CDH13: variants seen among roughly 807,000 people sequenced by gnomAD.
CDH13 encodes the protein cadherin 13, also known as cadherin-13.
CDH13 carries 24 observed loss-of-function variants against 63.8 expected under a neutral mutation model. The observed-to-expected ratio is 0.38, with a 90% CI of 0.27 to 0.53. CDH13 has a LOEUF of 0.53. Among genes scored for constraint, CDH13 ranks in the 20% least tolerant of loss-of-function variants. CDH13 has a pLI of 0.85. For missense variants in CDH13, 1,049 were observed against 903.1 expected (o/e 1.16, Z -2.07); for synonymous variants, 503 against 355.3 (o/e 1.42, Z -4.67).
intron 1 of CDH13, among the ~76,000 whole-genome samples, chr16:82,713,739 C>T (rs2032135983): frequency 6.8e-6 from 1 of 148,116 alleles, no homozygotes; most frequent in Non-Finnish European, 1.5e-5. Context: ...CATGTTTCAC[C>T]TAGGTCTCTG....
intron 6 of CDH13, among the ~76,000 whole-genome samples, chr16:83,453,141 G>C (rs2072927891): frequency 6.6e-6 from 1 of 152,180 alleles, no homozygotes; most frequent in Non-Finnish European, 1.5e-5. Flanking sequence ...AACATTGTGT[G>C]TTCTCATCTG....
intron 6 of CDH13, among the ~76,000 whole-genome samples, chr16:83,434,174 TA>T: frequency 6.6e-6 from 1 of 152,252 alleles, no homozygotes; most frequent in East Asian, 1.9e-4. Context: ...CCGCTCAGGT[TA>T]TTGAGAATTG....
intron 1 of CDH13, among the ~76,000 whole-genome samples, chr16:82,667,170 C>T (rs972751057): frequency 1.3e-5 from 2 of 152,290 alleles, no homozygotes; most frequent in African/African-American, 4.8e-5. Context: ...AGGAATGCAG[C>T]AGTAGGGTAT....
intron 1 of CDH13, among the ~76,000 whole-genome samples, chr16:82,672,270 G>A (rs1284933231): frequency 6.6e-6 from 1 of 152,148 alleles, no homozygotes; most frequent in Non-Finnish European, 1.5e-5. Context: ...TATAATGTAT[G>A]CACACCATTG....
At chr16:82,627,643 CG>C (rs1210951730) in intron 1 of CDH13, among the ~76,000 whole-genome samples, 2 of 152,052 alleles carry the variant, frequency 1.3e-5, no homozygotes, top group Non-Finnish European at 2.9e-5. Context: ...CCAGGGCGCC[CG>C]GGCCCCCTGG....
chr16:82,922,268 A>G (rs1271277185), intron 2 of CDH13, among the ~76,000 whole-genome samples: 1 of 152,198 alleles, frequency 6.6e-6, no homozygotes, highest in Admixed American at 6.6e-5. Context: ...TGTACTTCAA[A>G]GAAGCCATTG....
rs149854216 is a variant in CDH13, at chr16:83,099,910, G to A, written c.367-25475G>A. 4.1e-3 allele frequency among the ~76,000 whole-genome samples: 621 copies of A among 152,222 alleles called. 4 individuals are homozygous for A. The highest frequency in any genetic ancestry group is 6.7e-3 in the Non-Finnish European group (458 of 68,012). On this transcript the variant is annotated intron_variant, in intron 3 of 13. Coordinates refer to ENST00000567109, the MANE Select transcript of CDH13 (RefSeq NM_001257.5). ...CTGTTTTATGCTTTCTTCTGCCTGC[G>A]AGTTCCCACTTGGTTCATTCAAAGC... is the stretch of plus-strand genomic sequence containing the variant.
intron 7 of CDH13, among the ~76,000 whole-genome samples, chr16:83,545,833 C>A (rs2075377343): frequency 6.6e-6 from 1 of 152,180 alleles, no homozygotes; most frequent in Non-Finnish European, 1.5e-5. Flanking sequence ...TGCAGCTTTC[C>A]TCAGCTTCCC....
intron 2 of CDH13, among the ~76,000 whole-genome samples, chr16:83,002,053 C>T (rs761979148): frequency 4.6e-4 from 70 of 152,236 alleles, no homozygotes; most frequent in Non-Finnish European, 8.4e-4. Context: ...ACGTGCCATA[C>T]TGTCTTCTAG....
chr16:83,506,547 A>G (rs2074401742), intron 7 of CDH13, among the ~76,000 whole-genome samples: 1 of 152,166 alleles, frequency 6.6e-6, no homozygotes, highest in African/African-American at 2.4e-5. Flanking sequence ...AAGATAATGC[A>G]CTTCTGACTT....
At chr16:83,235,219 A>T (rs1053137087) in intron 5 of CDH13, among the ~76,000 whole-genome samples, 1 of 152,130 alleles carries the variant, frequency 6.6e-6, no homozygotes, top group Non-Finnish European at 1.5e-5. Context: ...AAGTACATAC[A>T]CACATATATA....
chr16:82,699,294 G>A (rs1286459263), intron 1 of CDH13, among the ~76,000 whole-genome samples: 4 of 152,138 alleles, frequency 2.6e-5, no homozygotes, highest in Non-Finnish European at 5.9e-5. Flanking sequence ...AGCTGCTTGT[G>A]TCCTCTGCCT....
intron 6 of CDH13, among the ~76,000 whole-genome samples, chr16:83,483,544 T>G (rs765307152): frequency 7.2e-5 from 11 of 151,940 alleles, no homozygotes; most frequent in African/African-American, 1.2e-4. Context: ...TTTTATACCT[T>G]CCATGACTTC....
intron 1 of CDH13, among the ~76,000 whole-genome samples, chr16:82,774,205 T>C (rs1183492198): frequency 6.6e-6 from 1 of 152,200 alleles, no homozygotes; most frequent in Non-Finnish European, 1.5e-5. Flanking sequence ...ATAGGCTCTT[T>C]TCCCTTGACT....
At chr16:83,156,517 A>G (rs1468533129) in intron 4 of CDH13, among the ~76,000 whole-genome samples, 1 of 152,146 alleles carries the variant, frequency 6.6e-6, no homozygotes, top group Admixed American at 6.5e-5. Context: ...GTCCAAGCTG[A>G]TGAAGGGTGC....
chr16:83,705,361 G>A (rs549293275), intron 10 of CDH13, among the ~76,000 whole-genome samples: 5 of 152,254 alleles, frequency 3.3e-5, no homozygotes, highest in East Asian at 1.9e-4. Context: ...GGTGGCTCAC[G>A]CCTGTAATCC....
intron 6 of CDH13, among the ~76,000 whole-genome samples, chr16:83,437,074 G>A (rs936294554): frequency 6.6e-6 from 1 of 151,990 alleles, no homozygotes; most frequent in Non-Finnish European, 1.5e-5. Flanking sequence ...GTACTGTTTT[G>A]TTTGGGTTTT....
intron 5 of CDH13, among the ~76,000 whole-genome samples, chr16:83,309,317 A>G (rs964480590): frequency 6.6e-6 from 1 of 152,022 alleles, no homozygotes; most frequent in Admixed American, 6.6e-5. Context: ...TGGTGAGAGC[A>G]CTGTCTTCAG....
At chr16:83,019,926 A>G (rs907998648) in intron 2 of CDH13, among the ~76,000 whole-genome samples, 10 of 151,972 alleles carry the variant, frequency 6.6e-5, no homozygotes, top group African/African-American at 2.2e-4. Context: ...CAAATATTAC[A>G]TATGGCACAT....
Sources: allele counts gnomAD v4.1 joint callset (sites outside exome capture counted in the v4.1 genomes callset), GRCh38; gene constraint gnomAD v4.1.1; transcripts MANE v1.5; gene names NCBI Gene and HGNC (gene_info 2026-07-23, HGNC 2026-07-21).